The following ANKRD12 variants were observed in gnomAD, a reference collection of about 807,000 sequenced individuals.
ANKRD12 encodes the protein ankyrin repeat domain-containing protein 12.
A neutral mutation model predicts 183.4 loss-of-function variants in ANKRD12; 85 were observed. That is an observed-to-expected ratio of 0.46 (90% confidence interval 0.39 to 0.56). The LOEUF (loss-of-function observed/expected upper bound fraction) is 0.56. Among genes scored for constraint, ANKRD12 ranks in the 20% least tolerant of loss-of-function variants. The pLI is 0.00. For synonymous variants in ANKRD12, 914 were observed against 800.2 expected, an observed-to-expected ratio of 1.14 and a Z score of -2.40; for missense variants, 2,405 against 2,357.1, an observed-to-expected ratio of 1.02 and a Z score of -0.42.
chr18:9,241,709 C>T (rs1228097141), intron 8 of ANKRD12, among the ~76,000 whole-genome samples: 1 of 152,152 alleles, frequency 6.6e-6, no homozygotes. Context: ...TTTTCCTCCT[C>T]TGCTTTCTAA....
chr18:9,153,802 C>G (rs2029963020), intron 1 of ANKRD12, among the ~76,000 whole-genome samples: 1 of 151,814 alleles, frequency 6.6e-6, no homozygotes, highest in Non-Finnish European at 1.5e-5. Flanking sequence ...TTTCTAATCC[C>G]TTCCTGATGT....
At chr18:9,268,807 A>G (rs555157055) in intron 10 of ANKRD12, among the ~76,000 whole-genome samples, 1 of 152,170 alleles carries the variant, frequency 6.6e-6, no homozygotes. Context: ...AAGGGTATTC[A>G]ATTAGGAAAA....
chr18:9,150,012 G>A (rs1185647185), intron 1 of ANKRD12, among the ~76,000 whole-genome samples: 1 of 151,938 alleles, frequency 6.6e-6, no homozygotes, highest in Non-Finnish European at 1.5e-5. Flanking sequence ...GGCCAGGCTG[G>A]TCTCGACCTC....
At chr18:9,238,199 C>T (rs1387590800) in intron 8 of ANKRD12, among the ~76,000 whole-genome samples, 2 of 152,150 alleles carry the variant, frequency 1.3e-5, no homozygotes, top group Non-Finnish European at 2.9e-5. Context: ...CTCCTAGATT[C>T]TTGTCTTCGT....
chr18:9,166,374 C>T (rs2032068024), intron 1 of ANKRD12, among the ~76,000 whole-genome samples: 1 of 152,198 alleles, frequency 6.6e-6, no homozygotes, highest in South Asian at 2.1e-4. Context: ...ACATTCTCTC[C>T]AGCACCTGTT....
chr18:9,162,317 G>A lies in ANKRD12; in HGVS notation c.-51-20065G>A, dbSNP rs189482221. ...GTGGTGTTTGGTTTTCTTTTCCTGT[G>A]TTAGTTTGCTGAGGATGATAACAGC... On this transcript the variant is annotated intron_variant, in intron 1 of 12. Transcript: ENST00000262126. Among the ~76,000 whole-genome samples the A allele has an allele frequency of 2.7e-3, 405 of 151,504 alleles. 1 individual carries two copies. The highest frequency in any genetic ancestry group is 9.1e-3 in the African/African-American group (377 of 41,250).
At chr18:9,208,612 A>G in intron 4 of ANKRD12, 45 bp from the exon 5 acceptor site, 1 of 1,552,014 alleles carries the variant, frequency 6.4e-7, no homozygotes, top group African/African-American at 1.4e-5. Context: ...GCTTTTGAGT[A>G]CTTGGATTTG....
rs1449680871 is a variant in ANKRD12 at position 9,257,305 on chromosome 18, C to T, written c.4038C>T (p.Pro1346=). 6.2e-7 allele frequency: 1 copy of T among 1,614,024 alleles called. No individual in the cohort carries two copies. The highest frequency in any genetic ancestry group is 8.5e-7 in the Non-Finnish European group (1 of 1,180,022). The change falls in exon 9 of 13, where the codon CCC becomes CCT. Residue 1346 remains proline, a synonymous_variant. Coordinates refer to ENST00000262126, the MANE Select transcript of ANKRD12 (RefSeq NM_015208.5). ...LTVPGDTSPS[P]KPEVFSNVPE... is the part of the protein sequence containing the mutation. ...TGCCAGGAGATACTAGTCCTTCTCC[C>T]AAACCTGAGGTATTCTCAAATGTGC...
chr18:9,168,588 C>T (rs988458385), intron 1 of ANKRD12, among the ~76,000 whole-genome samples: 37 of 152,022 alleles, frequency 2.4e-4, no homozygotes, highest in Middle Eastern at 3.4e-3. Context: ...TTTTTTATTG[C>T]GTCTATTTGA....
At chr18:9,147,671 T>G (rs1462268658) in intron 1 of ANKRD12, among the ~76,000 whole-genome samples, 2 of 152,188 alleles carry the variant, frequency 1.3e-5, no homozygotes, top group Non-Finnish European at 2.9e-5. Flanking sequence ...AAATAAGATT[T>G]ATGTATGTAG....
Position 9,257,042 on chromosome 18 carries a change from C to T in ANKRD12, c.3775C>T (p.His1259Tyr), listed in dbSNP as rs904336246. The change falls in exon 9 of 13, where the codon CAT (histidine) becomes TAT (tyrosine). Residue 1259 changes from histidine to tyrosine, a missense_variant. Transcript: ENST00000262126. ...FLSIAKSPAL[H>Y]ERELDSLADL... ...GTCAATTGCCAAATCTCCTGCTCTT[C>T]ATGAAAGGGAATTGGACAGCCTGGC... 1.9e-6 allele frequency: 3 copies of T among 1,614,002 alleles called. No individual in the cohort carries two copies. The highest frequency in any genetic ancestry group is 2.5e-6 in the Non-Finnish European group (3 of 1,180,000).
chr18:9,252,011 TAGC>T (rs1158791562), intron 8 of ANKRD12, among the ~76,000 whole-genome samples: 4 of 152,188 alleles, frequency 2.6e-5, no homozygotes, highest in Admixed American at 6.5e-5. Context: ...TAGTTATAGA[TAGC>T]AGAGACTTTA....
intron 1 of ANKRD12, among the ~76,000 whole-genome samples, chr18:9,152,008 T>C (rs1053961819): frequency 3.9e-5 from 6 of 152,180 alleles, no homozygotes; most frequent in Admixed American, 2.6e-4. Context: ...CTTGAGGCCA[T>C]GAGTTTGTGG....
chr18:9,172,304 C>T (rs1042020838), intron 1 of ANKRD12, among the ~76,000 whole-genome samples: 3 of 152,144 alleles, frequency 2.0e-5, no homozygotes, highest in African/African-American at 7.2e-5. Flanking sequence ...GGATGATATC[C>T]TGAAGTATGT....
At chr18:9,156,806 GA>G (rs553057061) in intron 1 of ANKRD12, among the ~76,000 whole-genome samples, 1 of 151,894 alleles carries the variant, frequency 6.6e-6, no homozygotes, top group Non-Finnish European at 1.5e-5. Context: ...AGAGAGCATT[GA>G]AAAAAAATTG....
intron 1 of ANKRD12, among the ~76,000 whole-genome samples, chr18:9,156,137 CAAAAAAAA>C (rs34154495): frequency 1.9e-5 from 2 of 104,122 alleles, no homozygotes; most frequent in Non-Finnish European, 3.7e-5. Context: ...GACTCTGTCT[CAAAAAAAA>C]AAAAAAAAAA....
At chr18:9,232,602 C>T (rs2037116100) in intron 8 of ANKRD12, among the ~76,000 whole-genome samples, 1 of 152,104 alleles carries the variant, frequency 6.6e-6, no homozygotes, top group Non-Finnish European at 1.5e-5. Context: ...GCTGTGGAAA[C>T]CTTTTTGCAT....
chr18:9,221,842 A>G lies in ANKRD12; in HGVS notation c.796-10A>G, dbSNP rs1443596. The G allele has an allele frequency of 0.038, 62,026 of 1,612,948 alleles. 3,999 individuals carry two copies. Among genetic ancestry groups the G allele is most frequent in the East Asian group, 0.34 (15,087 of 44,812 alleles). ...AAGGGACTAAGTCTTCCTGCTTTTTATTGTTGCAGATAGTAAAGCTGTTAC... is the reference window on the plus strand; with the variant it reads ...AAGGGACTAAGTCTTCCTGCTTTTTGTTGTTGCAGATAGTAAAGCTGTTAC... On this transcript the variant is annotated splice_polypyrimidine_tract_variant and intron_variant, in intron 7 of 12. Transcript: ENST00000262126.
chr18:9,162,503 G>A (rs1170553491), intron 1 of ANKRD12, among the ~76,000 whole-genome samples: 1 of 152,116 alleles, frequency 6.6e-6, no homozygotes, highest in Non-Finnish European at 1.5e-5. Context: ...GAGTGGTGCA[G>A]TGAAGATACA....
Sources: gnomAD v4.1 joint callset for allele counts (sites outside exome capture counted in the v4.1 genomes callset) on GRCh38, gnomAD v4.1.1 for gene constraint, MANE v1.5 for transcripts, NCBI Gene and HGNC (gene_info 2026-07-23, HGNC 2026-07-21) for gene names.